ZSCAN4: variants seen among roughly 807,000 people sequenced by gnomAD.
ZSCAN4 encodes zinc finger and SCAN domain-containing protein 4.
Under a neutral mutation model 18.3 loss-of-function variants are expected in ZSCAN4, and 18 were observed. The ratio of observed to expected loss-of-function variants is 0.98; its 90% CI spans 0.68 to 1.46. The LOEUF (loss-of-function observed/expected upper bound fraction) is 1.46, where lower values mean the gene tolerates loss of function less well. Ranked by LOEUF, ZSCAN4 falls within the 40% of genes most tolerant of loss-of-function variation. ZSCAN4 has a pLI of 0.00. For missense variants in ZSCAN4, 498 were observed against 511.4 expected (o/e 0.97, Z 0.25); for synonymous variants, 193 against 180.3 (o/e 1.07, Z -0.57).
At chr19:57,664,828 A>C (rs1983814267), upstream of ZSCAN4, 1 of 184,196 alleles carries the variant, frequency 5.4e-6, no homozygotes, top group South Asian at 1.1e-4. Context: ...GGATGAGAAC[A>C]CAGCAACTCT....
At chr19:57,662,425 A>C in the ZSCAN4 span, among the ~76,000 whole-genome samples, 1 of 152,088 alleles carries the variant, frequency 6.6e-6, no homozygotes, top group South Asian at 2.1e-4. Flanking sequence ...GATTATTTTA[A>C]TTTGCAATTA....
exon 4 of ZSCAN4, chr19:57,678,022 G>A (rs780301710): frequency 1.9e-6 from 3 of 1,600,650 alleles, no homozygotes; most frequent in Non-Finnish European, 2.6e-6. Flanking sequence ...CACAAGAGAA[G>A]CAAACATGGG....
At chr19:57,674,961 T>G (rs1182166691) in intron 2 of ZSCAN4, among the ~76,000 whole-genome samples, 1 of 149,670 alleles carries the variant, frequency 6.7e-6, no homozygotes, top group Admixed American at 6.7e-5. Flanking sequence ...ATCAAGTTTT[T>G]TTTTTTTTTT....
At chr19:57,658,335 G>A in the ZSCAN4 span, among the ~76,000 whole-genome samples, 1 of 152,156 alleles carries the variant, frequency 6.6e-6, no homozygotes, top group African/African-American at 2.4e-5. Flanking sequence ...GGAGGAAGGG[G>A]CGGACTGCAA....
the ZSCAN4 span, among the ~76,000 whole-genome samples, chr19:57,659,943 A>T: frequency 6.6e-6 from 1 of 152,180 alleles, no homozygotes; most frequent in African/African-American, 2.4e-5. Context: ...TATACACAAT[A>T]CTCAAATGTT....
chr19:57,663,150 G>A, the ZSCAN4 span, among the ~76,000 whole-genome samples: 1 of 151,188 alleles, frequency 6.6e-6, no homozygotes, highest in African/African-American at 2.4e-5. Flanking sequence ...TGATCCGCCC[G>A]CCTCGGCCTC....
At chr19:57,677,412 G>A (rs1169357562) in intron 3 of ZSCAN4, among the ~76,000 whole-genome samples, 3 of 103,940 alleles carry the variant, frequency 2.9e-5, no homozygotes, top group Admixed American at 8.8e-5. Flanking sequence ...AGTCTATTTA[G>A]TGGCACATTT....
chr19:57,679,016 G>A (rs944925736), exon 5 of ZSCAN4: 9 of 1,268,490 alleles, frequency 7.1e-6, no homozygotes, highest in Non-Finnish European at 8.3e-6. Context: ...TCAATTTATT[G>A]TCTTGCTTCA....
exon 5 of ZSCAN4, chr19:57,678,530 A>G (rs1984262749): frequency 6.2e-7 from 1 of 1,614,062 alleles, no homozygotes; most frequent in African/African-American, 1.3e-5. Context: ...ATGGAGTCCA[A>G]AAATCATACA....
chr19:57,673,752 T>TATA (rs1158632004), intron 2 of ZSCAN4, among the ~76,000 whole-genome samples: 2 of 150,208 alleles, frequency 1.3e-5, no homozygotes, highest in Non-Finnish European at 3.0e-5. Flanking sequence ...TGATGATGAT[T>TATA]ATTATTATTA....
chr19:57,678,971 C>T, exon 5 of ZSCAN4: 1 of 1,446,034 alleles, frequency 6.9e-7, no homozygotes, highest in African/African-American at 1.4e-5. Context: ...TATTTATCTA[C>T]TTAGGATATA....
the ZSCAN4 span, among the ~76,000 whole-genome samples, chr19:57,659,027 A>T: frequency 6.6e-6 from 1 of 152,132 alleles, no homozygotes; most frequent in Non-Finnish European, 1.5e-5. Context: ...TTATATTGAA[A>T]GTCCTGTCTC....
chr19:57,676,599 A>G, intron 3 of ZSCAN4, 58 bp downstream of exon 3: 1 of 1,531,644 alleles, frequency 6.5e-7, no homozygotes, highest in Non-Finnish European at 8.8e-7. Context: ...GGAATAAATC[A>G]CAGTCAGTTA....
chr19:57,669,037 A>G (rs1164380603), exon 1 of ZSCAN4: 1 of 150,030 alleles, frequency 6.7e-6, no homozygotes, highest in Non-Finnish European at 1.5e-5. Context: ...TTGTGAGACT[A>G]ACGTTTGTCT....
chr19:57,658,506 T>A, the ZSCAN4 span, among the ~76,000 whole-genome samples: 1 of 152,126 alleles, frequency 6.6e-6, no homozygotes, highest in Non-Finnish European at 1.5e-5. Context: ...AGGAAAATAA[T>A]AATACACACC....
At chr19:57,652,633 A>G in the ZSCAN4 span, among the ~76,000 whole-genome samples, 9 of 150,112 alleles carry the variant, frequency 6.0e-5, no homozygotes, top group East Asian at 9.8e-4. Context: ...ATCATCCTCC[A>G]TTCTCCCTTC....
chr19:57,666,278 C>T (rs1600000259), upstream of ZSCAN4, among the ~76,000 whole-genome samples: 1 of 152,256 alleles, frequency 6.6e-6, no homozygotes, highest in African/African-American at 2.4e-5. Context: ...CCATGAGATC[C>T]TGCAGCTTGC....
chr19:57,661,735 G>A, the ZSCAN4 span, among the ~76,000 whole-genome samples: 1 of 152,226 alleles, frequency 6.6e-6, no homozygotes, highest in African/African-American at 2.4e-5. Flanking sequence ...ATACAAGTCT[G>A]TGAATATTCT....
intron 1 of ZSCAN4, among the ~76,000 whole-genome samples, chr19:57,669,736 T>G (rs1448587035): frequency 2.0e-5 from 3 of 151,764 alleles, no homozygotes; most frequent in Non-Finnish European, 2.9e-5. Context: ...TTGTTTTGTT[T>G]TTTTTTTAGA....
Sources: allele counts gnomAD v4.1 joint callset (sites outside exome capture counted in the v4.1 genomes callset), GRCh38; gene constraint gnomAD v4.1.1; transcripts MANE v1.5; gene names NCBI Gene and HGNC (gene_info 2026-07-23, HGNC 2026-07-21).